The following SCFD1 variants were observed in gnomAD, a reference collection of about 807,000 sequenced individuals.
SCFD1 encodes sec1 family domain-containing protein 1.
Under a neutral mutation model 103.2 loss-of-function variants are expected in SCFD1, and 37 were observed. That is an observed-to-expected ratio of 0.36 (90% CI 0.28 to 0.47). SCFD1 has a LOEUF of 0.47. Ranked by LOEUF, SCFD1 falls within the 20% of genes least tolerant of loss-of-function variation. SCFD1 has a pLI of 1.00. For synonymous variants in SCFD1, 264 were observed against 245.0 expected, an observed-to-expected ratio of 1.08 and a Z score of -0.73; for missense variants, 639 against 761.2, an observed-to-expected ratio of 0.84 and a Z score of 1.89.
chr14:30,656,929 C>T (rs1382465333), intron 10 of SCFD1, among the ~76,000 whole-genome samples: 1 of 151,874 alleles, frequency 6.6e-6, no homozygotes, highest in African/African-American at 2.4e-5. Flanking sequence ...GAGATGGGGT[C>T]TCAGTGGGAT....
rs184935602 is a variant in SCFD1 at position 30,674,007 on chromosome 14, C to T, written c.1160+10C>T. On this transcript the variant is annotated intron_variant, in intron 13 of 24. Coordinates refer to ENST00000458591, the MANE Select transcript of SCFD1 (RefSeq NM_016106.4). ...TAACATCAGCTGTTAGGTAAGTGAGCAGTATATCCTCTTTGAAGTCTTTCT... is the reference window on the plus strand; with the variant it reads ...TAACATCAGCTGTTAGGTAAGTGAGTAGTATATCCTCTTTGAAGTCTTTCT... 7.8e-5 allele frequency: 125 copies of T among 1,600,044 alleles called. No individual in the cohort carries two copies. The African/African-American group carries it at 1.1e-3, about 14-fold the overall frequency.
chr14:30,673,057 G>A (rs975390096), intron 11 of SCFD1, among the ~76,000 whole-genome samples, 200 bp from the exon 12 acceptor site: 3 of 152,034 alleles, frequency 2.0e-5, no homozygotes, highest in African/African-American at 7.2e-5. Context: ...GCATTTTAAA[G>A]AAATAGTATT....
Position 30,702,357 on chromosome 14 carries a change from A to C in SCFD1, c.1472A>C (p.Gln491Pro). Reference sequence around the variant, plus strand: ...GCAGGATGCAACCTTAATCCTTTACAATATATCAAACAGTGGAAGTAAGTT... The same window carrying C: ...GCAGGATGCAACCTTAATCCTTTACCATATATCAAACAGTGGAAGTAAGTT... ...TDAGCNLNPLQYIKQWKAFTK... is the reference protein window; with the variant it reads ...TDAGCNLNPLPYIKQWKAFTK... The change falls in exon 17 of 25, where the codon CAA becomes CCA. Residue 491 changes from glutamine (Q) to proline (P), a missense_variant. Physicochemically the swap from Gln to Pro is moderately conservative, Grantham distance 76 (BLOSUM62 -1). Transcript: ENST00000458591. 2 of 1,587,412 alleles carry C rather than the reference A, an allele frequency of 1.3e-6. No individual in the cohort carries two copies. Among genetic ancestry groups the C allele is most frequent in the Non-Finnish European group, 1.7e-6 (2 of 1,163,610 alleles).
In SCFD1 at chr14:30,651,909, T is replaced by C. The variant is rs182456572; in HGVS notation, c.755+1259T>C. On this transcript the variant is annotated intron_variant, in intron 9 of 24. Transcript: ENST00000458591. ...ATGTTTGGTTGTCATAACTGGTAGG[T>C]GTTACTAGAATCTTGTATACATTGT... Among the ~76,000 whole-genome samples, 95 of 152,284 alleles carry C rather than the reference T, an allele frequency of 6.2e-4. 2 individuals carry two copies. In the East Asian group the frequency reaches 0.013, roughly 21 times the overall value.
chr14:30,627,813 AACAG>A (rs1011215918), intron 1 of SCFD1, among the ~76,000 whole-genome samples: 5 of 151,500 alleles, frequency 3.3e-5, no homozygotes, highest in South Asian at 2.1e-4. Flanking sequence ...TAAAAAAAAA[AACAG>A]ACAGACAGAC....
intron 19 of SCFD1, among the ~76,000 whole-genome samples, chr14:30,714,113 C>CGAGTT (rs1892089934): frequency 6.6e-6 from 1 of 150,412 alleles, no homozygotes; most frequent in African/African-American, 2.5e-5. Flanking sequence ...TTTGGGAGGC[C>CGAGTT]GAGGCAGGTG....
rs538847266 is a variant in SCFD1, at chr14:30,677,618, C to T, written c.1242+2553C>T. Among the ~76,000 whole-genome samples the T allele has an allele frequency of 1.5e-3, 204 of 131,708 alleles. 1 individual carries two copies. The highest frequency in any genetic ancestry group is 6.1e-3 in the African/African-American group (192 of 31,408). 86.4% of individuals were successfully genotyped at this position (131,708 alleles called of 152,430 possible). Reference sequence around the variant, plus strand: ...CATTATTTCTCATTATTCCTAGTTACAGAATTTCTTATAACTTTTCATAAC... The same window carrying T: ...CATTATTTCTCATTATTCCTAGTTATAGAATTTCTTATAACTTTTCATAAC... On this transcript the variant is annotated intron_variant, in intron 14 of 24. Transcript: ENST00000458591.
chr14:30,702,193 A>T (rs1891126559), intron 16 of SCFD1, 103 bp from the exon 17 acceptor site: 20 of 710,138 alleles, frequency 2.8e-5, no homozygotes, highest in Middle Eastern at 4.1e-4. Flanking sequence ...CCAAGAATTT[A>T]AACTCATGCC....
chr14:30,716,897 ATAAAC>A (rs1035028070), intron 20 of SCFD1, among the ~76,000 whole-genome samples: 2 of 152,254 alleles, frequency 1.3e-5, no homozygotes, highest in African/African-American at 4.8e-5. Flanking sequence ...ATTTATAATG[ATAAAC>A]TAAAAAGGAT....
intron 5 of SCFD1, among the ~76,000 whole-genome samples, chr14:30,639,120 G>T (rs564609897): frequency 4.7e-4 from 71 of 152,162 alleles, no homozygotes; most frequent in African/African-American, 1.6e-3. Flanking sequence ...GGAATGCAGT[G>T]GTGCAATCAC....
intron 1 of SCFD1, 171 bp downstream of exon 1, chr14:30,622,570 C>A: frequency 8.5e-7 from 1 of 1,181,416 alleles, no homozygotes; most frequent in Non-Finnish European, 1.1e-6. Flanking sequence ...AGCTTGAGGA[C>A]TCGGTTCCTC....
chr14:30,632,359 T>G (rs1455091383), intron 3 of SCFD1, among the ~76,000 whole-genome samples: 1 of 152,184 alleles, frequency 6.6e-6, no homozygotes, highest in Non-Finnish European at 1.5e-5. Context: ...CAAATGTCCT[T>G]TTTTACATTT....
At chr14:30,679,956 C>G (rs1889343173) in intron 14 of SCFD1, among the ~76,000 whole-genome samples, 1 of 152,174 alleles carries the variant, frequency 6.6e-6, no homozygotes, top group Non-Finnish European at 1.5e-5. Context: ...CTTCTCATCT[C>G]AAGATTAGTT....
chr14:30,676,773 TTAAAA>T, intron 14 of SCFD1: 1 of 152,310 alleles, frequency 6.6e-6, no homozygotes, highest in Middle Eastern at 3.4e-3. Context: ...GATTTATGTT[TTAAAA>T]TAAAGAAGAC....
At chr14:30,716,019 G>A in intron 20 of SCFD1, 42 bp downstream of exon 20, 2 of 1,103,476 alleles carry the variant, frequency 1.8e-6, no homozygotes, top group Non-Finnish European at 2.7e-6. Flanking sequence ...TCCCGAATGT[G>A]TCAAACTGAC....
intron 10 of SCFD1, among the ~76,000 whole-genome samples, chr14:30,668,981 A>G (rs1464429315): frequency 2.6e-5 from 4 of 152,174 alleles, no homozygotes; most frequent in African/African-American, 9.7e-5. Context: ...ACCATTGTGG[A>G]AGACAGTGTG....
At chr14:30,690,480 C>T (rs1890186522) in intron 14 of SCFD1, among the ~76,000 whole-genome samples, 1 of 114,652 alleles carries the variant, frequency 8.7e-6, no homozygotes, top group Non-Finnish European at 1.7e-5. Flanking sequence ...GGGCGTAGGA[C>T]CCTCTGAGCC....
At chr14:30,703,169 G>A (rs183032095) in intron 17 of SCFD1, among the ~76,000 whole-genome samples, 2 of 151,788 alleles carry the variant, frequency 1.3e-5, no homozygotes, top group Non-Finnish European at 2.9e-5. Context: ...TTGTGTTGAG[G>A]AAACAATTAA....
intron 1 of SCFD1, among the ~76,000 whole-genome samples, chr14:30,623,473 G>A (rs545463995): frequency 7.6e-4 from 115 of 152,230 alleles, no homozygotes; most frequent in African/African-American, 2.5e-3. Context: ...TAACCTATCA[G>A]GTGAAGTCAG....
Sources: allele counts gnomAD v4.1 joint callset (sites outside exome capture counted in the v4.1 genomes callset), GRCh38; gene constraint gnomAD v4.1.1; transcripts MANE v1.5; gene names NCBI Gene and HGNC (gene_info 2026-07-23, HGNC 2026-07-21).